ARID3A: variants seen among roughly 807,000 people sequenced by gnomAD.
ARID3A encodes the protein AT-rich interaction domain 3A.
ARID3A carries 11 observed loss-of-function variants against 52.7 expected under a neutral mutation model. The observed-to-expected ratio is 0.21, with a 90% CI of 0.13 to 0.35. The LOEUF (loss-of-function observed/expected upper bound fraction) is 0.35, where lower values mean the gene tolerates loss of function less well. ARID3A is among the 10% of genes least tolerant of loss of function. ARID3A has a pLI of 1.00. For missense variants in ARID3A, 721 were observed against 838.5 expected, an observed-to-expected ratio of 0.86 and a Z score of 1.73; for synonymous variants, 404 against 359.4, an observed-to-expected ratio of 1.12 and a Z score of -1.40.
chr19:964,867 A>G lies in ARID3A; in HGVS notation c.985A>G (p.Lys329Glu). ...GTACCTGTACCCCTACGAGTGTGAG[A>G]AGCGGGGCCTCAGTAACCCCAATGA... ...MKYLYPYECEKRGLSNPNELQ... is the reference protein window; with the variant it reads ...MKYLYPYECEERGLSNPNELQ... Residue 329 changes from lysine (K) to glutamate (E), a missense_variant, in exon 6 of 9, where the codon AAG (lysine) becomes GAG (glutamate). Lys to Glu is a moderately conservative substitution (Grantham distance 56). Coordinates refer to ENST00000263620, the MANE Select transcript of ARID3A (RefSeq NM_005224.3). This position sits in a 1 kb window ranked among gnomAD's most constrained non-coding sequence, Gnocchi z 5.7. The G allele has an allele frequency of 6.2e-7, 1 of 1,613,970 alleles. No individual in the cohort carries two copies. Among genetic ancestry groups the G allele is most frequent in the Non-Finnish European group, 8.5e-7 (1 of 1,179,986 alleles).
In ARID3A at chr19:973,381, T is replaced by G. The variant is rs2038321713; in HGVS notation, c.*1316T>G. On this transcript the variant is annotated 3_prime_UTR_variant, in exon 9 of 9. Coordinates refer to ENST00000263620, the MANE Select transcript of ARID3A (RefSeq NM_005224.3). ...TGCCCGCCTTGGCCTCCCAAAGTGCTGGGATTACAGGCATGAGCCGCCACG... is the reference window on the plus strand; with the variant it reads ...TGCCCGCCTTGGCCTCCCAAAGTGCGGGGATTACAGGCATGAGCCGCCACG... 5.4e-6 allele frequency: 1 copy of G among 185,490 alleles called. No individual in the cohort carries two copies. Among genetic ancestry groups the G allele is most frequent in the Admixed American group, 6.2e-5 (1 of 16,038 alleles). The allele number at this position is 185,490 out of a possible 1,614,324, so 11.5% of individuals were successfully genotyped here.
At chr19:948,682 C>T (rs1028903507) in intron 3 of ARID3A, among the ~76,000 whole-genome samples, 7 of 145,078 alleles carry the variant, frequency 4.8e-5, no homozygotes, top group Non-Finnish European at 9.0e-5. Flanking sequence ...GGGGAGGGGA[C>T]GAGGGATGAG....
chr19:935,759 G>A (rs576588566), intron 3 of ARID3A, among the ~76,000 whole-genome samples: 33 of 152,090 alleles, frequency 2.2e-4, no homozygotes, highest in African/African-American at 7.2e-4. Context: ...GTGAGCCACC[G>A]CACCCCACCA....
chr19:948,047 C>T (rs1018441791), intron 3 of ARID3A, among the ~76,000 whole-genome samples: 4 of 152,144 alleles, frequency 2.6e-5, no homozygotes, highest in African/African-American at 7.2e-5. Context: ...ACACAGCAGA[C>T]GCTAGCTAAG....
At chr19:945,799 C>G (rs1328465347) in intron 3 of ARID3A, among the ~76,000 whole-genome samples, 4 of 152,168 alleles carry the variant, frequency 2.6e-5, no homozygotes, top group Non-Finnish European at 4.4e-5. Context: ...CTGCCCGGCT[C>G]CTGCTGCTGG....
At chr19:940,410 G>A (rs1434113543) in intron 3 of ARID3A, among the ~76,000 whole-genome samples, 2 of 152,118 alleles carry the variant, frequency 1.3e-5, no homozygotes, top group African/African-American at 4.8e-5. Flanking sequence ...GGTGTAGCAG[G>A]AGGGGTGGGC....
intron 3 of ARID3A, among the ~76,000 whole-genome samples, chr19:954,779 C>T (rs934433358): frequency 2.7e-5 from 4 of 149,894 alleles, no homozygotes; most frequent in Admixed American, 1.3e-4. Context: ...GAGAAGGCCT[C>T]GCAGACGGGA....
At chr19:948,768 G>T (rs1360461024) in intron 3 of ARID3A, among the ~76,000 whole-genome samples, 1 of 145,222 alleles carries the variant, frequency 6.9e-6, no homozygotes, top group Non-Finnish European at 1.5e-5. Context: ...GGAGTGCAGT[G>T]GCACGATCTC....
chr19:938,344 C>T lies in ARID3A; in HGVS notation c.693+5602C>T, dbSNP rs761291648. Among the ~76,000 whole-genome samples, 4 of 152,218 alleles carry T rather than the reference C, an allele frequency of 2.6e-5. No homozygotes were observed. Among genetic ancestry groups the T allele is most frequent in the East Asian group, 3.8e-4 (2 of 5,204 alleles). ...TTGCTTCACTGCGTGAAGAAAGTGA[C>T]TGAGTGTTTTAGATGGGTCGTCTCC... On this transcript the variant is annotated intron_variant, in intron 3 of 8. Transcript: ENST00000263620. This position sits in a 1 kb window ranked among gnomAD's most constrained non-coding sequence, Gnocchi z 4.0.
At position 971,945 on chromosome 19, in the gene ARID3A, C is replaced by T. The variant is rs766249303; in HGVS notation, c.1662C>T (p.Gly554=). 4 of 1,600,050 alleles carry T rather than the reference C, an allele frequency of 2.5e-6. No homozygotes were observed. The highest frequency in any genetic ancestry group is 1.7e-4 in the Middle Eastern group (1 of 6,002). The change falls in exon 9 of 9, where the codon GGC becomes GGT. Residue 554 remains glycine (G), a synonymous_variant. Transcript: ENST00000263620. ...CTCCCAACAAAGGAGGCGGCGGCGG[C>T]GGCGGCAGCAGCAGCAACGCAGGCG... The part of the protein sequence containing the change: ...TSAPNKGGGG[G]GGSSSNAGGR...
Position 964,228 on chromosome 19 carries a change from C to A in ARID3A, c.767-20C>A. 6.3e-7 allele frequency: 1 copy of A among 1,597,866 alleles called. No individual in the cohort carries two copies. Among genetic ancestry groups the A allele is most frequent in the Non-Finnish European group, 8.6e-7 (1 of 1,168,816 alleles). On this transcript the variant is annotated intron_variant, in intron 4 of 8. Coordinates refer to ENST00000263620, the MANE Select transcript of ARID3A (RefSeq NM_005224.3). The surrounding 1 kb of genome is among the most constrained non-coding windows in gnomAD (Gnocchi z 5.7). ...CAGTGCCCAGGTGGCCCCCAACCTC[C>A]CTCTCGCCCCTTCCCCCAGGGACAC...
At chr19:961,816 G>A (rs2038047320) in intron 4 of ARID3A, 1 of 152,292 alleles carries the variant, frequency 6.6e-6, no homozygotes. Context: ...CTACTTGGGA[G>A]GCTGAGGCAG....
intron 1 of ARID3A, among the ~76,000 whole-genome samples, chr19:926,892 C>G (rs1160580787): frequency 1.3e-5 from 2 of 151,926 alleles, no homozygotes; most frequent in African/African-American, 2.4e-5. Context: ...TTCCCCCCCC[C>G]ATGCAAATCG....
At chr19:930,765 T>TC (rs2037309606) in intron 2 of ARID3A, among the ~76,000 whole-genome samples, 1 of 151,308 alleles carries the variant, frequency 6.6e-6, no homozygotes, top group African/African-American at 2.4e-5. Context: ...TGCCTTGGCC[T>TC]CCCAAAGTGC....
chr19:930,666 C>T (rs760374484), intron 2 of ARID3A, among the ~76,000 whole-genome samples: 82 of 150,972 alleles, frequency 5.4e-4, no homozygotes, highest in Middle Eastern at 3.4e-3. Flanking sequence ...CCCGCCACCA[C>T]GCCTGGCTAA....
chr19:944,759 G>A lies in ARID3A; in HGVS notation c.693+12017G>A, dbSNP rs2037641201. On this transcript the variant is annotated intron_variant, in intron 3 of 8. Transcript: ENST00000263620. The surrounding 1 kb of genome is among the most constrained non-coding windows in gnomAD (Gnocchi z 5.9). Reference sequence around the variant, plus strand: ...TCCCGTGTCAGCCTCCTGAGTAGCTGGGACCACAGACACTCGCCACCACAC... The same window carrying A: ...TCCCGTGTCAGCCTCCTGAGTAGCTAGGACCACAGACACTCGCCACCACAC... 6.6e-6 allele frequency among the ~76,000 whole-genome samples: 1 copy of A among 152,150 alleles called. No individual in the cohort carries two copies. The highest frequency in any genetic ancestry group is 2.4e-5 in the African/African-American group (1 of 41,440).
intron 1 of ARID3A, among the ~76,000 whole-genome samples, chr19:926,444 T>C (rs529572326): frequency 1.7e-4 from 25 of 150,042 alleles, no homozygotes; most frequent in African/African-American, 5.9e-4. Context: ...GGGTCGCGAG[T>C]GCGCGCCCCC....
rs2038101520 is a variant in ARID3A at position 964,285 on chromosome 19, G to C, written c.804G>C (p.Gln268His). Residue 268 changes from glutamine to histidine, a missense_variant, in exon 5 of 9, where the codon CAG (glutamine) becomes CAC (histidine). By Grantham distance (24) the Gln-to-His change is conservative. Transcript: ENST00000263620. This position sits in a 1 kb window ranked among gnomAD's most constrained non-coding sequence, Gnocchi z 5.7. ...ACCGCATCCCCATCATGGCCAAACA[G>C]GTCCTTGACCTGTTCATGCTGTACG... ...PVNRIPIMAK[Q>H]VLDLFMLYVL... 6.2e-7 allele frequency: 1 copy of C among 1,613,814 alleles called. No homozygotes were observed. Among genetic ancestry groups the C allele is most frequent in the Non-Finnish European group, 8.5e-7 (1 of 1,179,862 alleles).
intron 3 of ARID3A, among the ~76,000 whole-genome samples, chr19:956,045 G>A (rs2037909776): frequency 6.6e-6 from 1 of 152,110 alleles, no homozygotes; most frequent in East Asian, 1.9e-4. Context: ...CGTCTCCAGT[G>A]CCCACCGGCC....
Sources: allele counts gnomAD v4.1 joint callset (sites outside exome capture counted in the v4.1 genomes callset), GRCh38; gene constraint gnomAD v4.1.1; non-coding constraint Gnocchi (gnomAD v3.1); transcripts MANE v1.5; gene names NCBI Gene and HGNC (gene_info 2026-07-23, HGNC 2026-07-21).